The following NR6A1 variants were observed in gnomAD, a reference collection of about 807,000 sequenced individuals.
NR6A1 encodes retinoic acid receptor-related testis-associated receptor.
A neutral mutation model predicts 59.1 loss-of-function variants in NR6A1; 7 were observed. The observed-to-expected ratio is 0.12, with a 90% CI of 0.07 to 0.22. The LOEUF is 0.22. NR6A1 is among the 10% of genes least tolerant of loss of function. The pLI, the probability that NR6A1 is intolerant of heterozygous loss-of-function variation, is 1.00. For synonymous variants in NR6A1, 243 were observed against 236.1 expected, an observed-to-expected ratio of 1.03 and a Z score of -0.27; for missense variants, 468 against 611.6, an observed-to-expected ratio of 0.77 and a Z score of 2.48.
chr9:124,573,112 A>G (rs79315922), intron 2 of NR6A1, among the ~76,000 whole-genome samples: 1,570 of 152,296 alleles, frequency 0.01, 27 homozygotes, highest in African/African-American at 0.036. Flanking sequence ...GGTGGGAAAA[A>G]AGAAGGCTCA....
intron 2 of NR6A1, among the ~76,000 whole-genome samples, chr9:124,622,495 C>T (rs1836106470): frequency 6.6e-6 from 1 of 152,172 alleles, no homozygotes; most frequent in Admixed American, 6.5e-5. Flanking sequence ...TGTGTCAAAT[C>T]CTGATGCCTA....
intron 2 of NR6A1, among the ~76,000 whole-genome samples, chr9:124,645,270 T>C (rs1386702752): frequency 6.6e-6 from 1 of 152,072 alleles, no homozygotes; most frequent in Admixed American, 6.6e-5. Flanking sequence ...AAACAATAAA[T>C]ATATAGCAGG....
At chr9:124,713,123 A>G (rs2131076094) in intron 2 of NR6A1, among the ~76,000 whole-genome samples, 1 of 152,324 alleles carries the variant, frequency 6.6e-6, no homozygotes, top group East Asian at 1.9e-4. Flanking sequence ...ATATGGTCAA[A>G]CAATTTTTGT....
At chr9:124,654,756 T>C (rs897432672) in intron 2 of NR6A1, among the ~76,000 whole-genome samples, 2 of 152,158 alleles carry the variant, frequency 1.3e-5, no homozygotes, top group Non-Finnish European at 2.9e-5. Flanking sequence ...TTTCACTTCA[T>C]AGTACTTTGA....
intron 3 of NR6A1, among the ~76,000 whole-genome samples, chr9:124,548,479 A>G (rs1173622515): frequency 1.3e-5 from 2 of 152,200 alleles, no homozygotes; most frequent in Non-Finnish European, 2.9e-5. Context: ...TGTCTCTACA[A>G]ATTTTTTTGG....
intron 2 of NR6A1, among the ~76,000 whole-genome samples, chr9:124,556,308 A>T (rs1250445454): frequency 6.6e-6 from 1 of 152,170 alleles, no homozygotes; most frequent in African/African-American, 2.4e-5. Flanking sequence ...GCAAAAGAGA[A>T]GGTGATACGA....
In NR6A1 at chr9:124,734,991, C is replaced by T. The variant is rs567122637; in HGVS notation, c.101-1642G>A. On this transcript the variant is annotated intron_variant, in intron 1 of 9. Coordinates refer to ENST00000487099, the MANE Select transcript of NR6A1 (RefSeq NM_033334.4). ...TCCTGAGCAGCTGGGATTACAGGCACCTGCCACCATGCCCAGCTAATTTTT... is the reference window on the plus strand; with the variant it reads ...TCCTGAGCAGCTGGGATTACAGGCATCTGCCACCATGCCCAGCTAATTTTT... Among the ~76,000 whole-genome samples, 190 of 152,246 alleles carry T rather than the reference C, an allele frequency of 1.2e-3. 1 individual carries two copies. Among genetic ancestry groups the T allele is most frequent in the African/African-American group, 4.1e-3 (172 of 41,552 alleles).
chr9:124,713,742 G>C (rs537830772), intron 2 of NR6A1, among the ~76,000 whole-genome samples: 3 of 152,314 alleles, frequency 2.0e-5, no homozygotes, highest in South Asian at 4.1e-4. Flanking sequence ...CAGTAAATAA[G>C]TGTTGGTGAG....
chr9:124,670,737 A>C (rs1163445472), intron 2 of NR6A1, among the ~76,000 whole-genome samples: 1 of 152,226 alleles, frequency 6.6e-6, no homozygotes, highest in Non-Finnish European at 1.5e-5. Flanking sequence ...TTGGGGGCCC[A>C]AAAATAAAAG....
intron 2 of NR6A1, among the ~76,000 whole-genome samples, chr9:124,598,036 G>C (rs1344042230): frequency 6.6e-6 from 1 of 152,158 alleles, no homozygotes; most frequent in Admixed American, 6.5e-5. Context: ...ATTTTGGGTA[G>C]AGATGGGAGT....
At chr9:124,695,696 T>C (rs1238316221) in intron 2 of NR6A1, among the ~76,000 whole-genome samples, 1 of 152,138 alleles carries the variant, frequency 6.6e-6, no homozygotes, top group East Asian at 1.9e-4. Context: ...GAAGAGTTTT[T>C]TGTGAGACTG....
Position 124,520,856 on chromosome 9 carries a change from C to A in NR6A1, c.*1849G>T, listed in dbSNP as rs1832785641. On this transcript the variant is annotated 3_prime_UTR_variant, in exon 10 of 10. Transcript: ENST00000487099. ...GGAGCTTTTCCTGAGGAACATGTCT[C>A]TTCCTTCTCAGAGCAACTGGGGAAA... 6.6e-6 allele frequency: 1 copy of A among 152,264 alleles called. No individual in the cohort carries two copies. 9.4% of individuals were successfully genotyped at this position (152,264 alleles called of 1,614,324 possible). A position where few individuals can be genotyped will look rare whatever the true frequency, so the allele number is the denominator to read the frequency against.
intron 2 of NR6A1, among the ~76,000 whole-genome samples, chr9:124,588,927 A>C (rs1175974902): frequency 7.1e-6 from 1 of 141,510 alleles, no homozygotes; most frequent in East Asian, 2.2e-4. Flanking sequence ...CTCAAAAAAA[A>C]AAAAAAGAAA....
At chr9:124,747,212 CAG>C (rs144971081) in intron 1 of NR6A1, among the ~76,000 whole-genome samples, 14 of 117,428 alleles carry the variant, frequency 1.2e-4, no homozygotes, top group African/African-American at 4.6e-4. Context: ...TTTTTTGAGA[CAG>C]AGTTTCACTT....
intron 2 of NR6A1, among the ~76,000 whole-genome samples, chr9:124,666,107 T>C (rs1254991339): frequency 1.3e-5 from 2 of 152,184 alleles, no homozygotes; most frequent in Non-Finnish European, 2.9e-5. Flanking sequence ...CTCAATATCA[T>C]GTGGCTTTTT....
chr9:124,754,615 G>C (rs1367780990), intron 1 of NR6A1, among the ~76,000 whole-genome samples: 2 of 152,120 alleles, frequency 1.3e-5, no homozygotes, highest in Non-Finnish European at 2.9e-5. Flanking sequence ...ATGGTGGGGA[G>C]CATTTAAGAA....
intron 2 of NR6A1, among the ~76,000 whole-genome samples, chr9:124,604,580 G>A (rs557597401): frequency 5.3e-5 from 8 of 152,254 alleles, no homozygotes; most frequent in South Asian, 4.2e-4. Context: ...ACGCTGAGGC[G>A]GGTAGATCGT....
chr9:124,564,637 T>C (rs1323884448), intron 2 of NR6A1, among the ~76,000 whole-genome samples: 1 of 151,856 alleles, frequency 6.6e-6, no homozygotes, highest in Non-Finnish European at 1.5e-5. Context: ...GTCATTACAG[T>C]AGAGGTCTAT....
intron 2 of NR6A1, among the ~76,000 whole-genome samples, chr9:124,719,784 G>A (rs376133607): frequency 1.3e-5 from 2 of 152,018 alleles, no homozygotes; most frequent in Non-Finnish European, 2.9e-5. Flanking sequence ...GCCCACCGCG[G>A]TAATGCGCGC....
Sources: allele counts gnomAD v4.1 joint callset (sites outside exome capture counted in the v4.1 genomes callset), GRCh38; gene constraint gnomAD v4.1.1; transcripts MANE v1.5; gene names NCBI Gene and HGNC (gene_info 2026-07-23, HGNC 2026-07-21).